The following TUBGCP3 variants were observed in gnomAD, a reference collection of about 807,000 sequenced individuals.
The protein encoded by TUBGCP3 is gamma-tubulin complex component 3.
Under a neutral mutation model 123.1 loss-of-function variants are expected in TUBGCP3, and 50 were observed. The ratio of observed to expected loss-of-function variants is 0.41; its 90% CI spans 0.32 to 0.51. The LOEUF is 0.51. TUBGCP3 is among the 20% of genes least tolerant of loss of function. The pLI is 0.36. For missense variants in TUBGCP3, 882 were observed against 1,127.0 expected (o/e 0.78, Z 3.11); for synonymous variants, 405 against 413.9 (o/e 0.98, Z 0.26).
intron 13 of TUBGCP3, 146 bp downstream of exon 13, chr13:112,526,793 CATT>C (rs1261845926): frequency 2.6e-5 from 16 of 614,216 alleles, no homozygotes; most frequent in Non-Finnish European, 3.7e-5. Flanking sequence ...TCCCCAACAT[CATT>C]ATCATCACAT....
At chr13:112,578,289 G>A (rs984047277) in intron 1 of TUBGCP3, among the ~76,000 whole-genome samples, 2 of 152,062 alleles carry the variant, frequency 1.3e-5, no homozygotes, top group Non-Finnish European at 2.9e-5. Flanking sequence ...GCCGGGCGCG[G>A]TGGCTCACGC....
intron 1 of TUBGCP3, among the ~76,000 whole-genome samples, chr13:112,579,512 A>G (rs1468085328): frequency 8.7e-6 from 1 of 114,788 alleles, no homozygotes; most frequent in Non-Finnish European, 1.7e-5. Context: ...GCTGAGTGTC[A>G]GGGGGCCACG....
At chr13:112,499,335 A>G in intron 19 of TUBGCP3, 150 bp from the exon 20 acceptor site, 4 of 1,086,404 alleles carry the variant, frequency 3.7e-6, no homozygotes, top group Non-Finnish European at 5.1e-6. Flanking sequence ...TTCCCTCACC[A>G]CACATTTCCT....
rs758541422 is a variant in TUBGCP3 at position 112,548,162 on chromosome 13, G to A, written c.981C>T (p.Ala327=). The part of the protein sequence containing the change: ...FGLVGQSFCA[A]LHQELREYYR... ...AGTATTCTCTGAGTTCCTGGTGCAAGGCAGCACAAAAGCTCTGTTTGGAGG... is the reference window on the plus strand; with the variant it reads ...AGTATTCTCTGAGTTCCTGGTGCAAAGCAGCACAAAAGCTCTGTTTGGAGG... The change falls in exon 9 of 22, where the codon GCC becomes GCT. Residue 327 remains alanine, a synonymous_variant. Transcript: ENST00000261965. 6 of 1,602,988 alleles carry A rather than the reference G, an allele frequency of 3.7e-6. No individual in the cohort carries two copies. In the African/African-American group the frequency reaches 5.3e-5, roughly 14 times the overall value.
chr13:112,553,284 C>G (rs566106248), intron 8 of TUBGCP3, among the ~76,000 whole-genome samples: 2 of 152,256 alleles, frequency 1.3e-5, no homozygotes, highest in South Asian at 4.2e-4. Context: ...ATCAGTCACG[C>G]TCCTACTCAC....
chr13:112,529,445 C>G (rs752111880), intron 11 of TUBGCP3, among the ~76,000 whole-genome samples: 9 of 152,146 alleles, frequency 5.9e-5, no homozygotes, highest in African/African-American at 2.2e-4. Flanking sequence ...CCAATGATGA[C>G]CAATTCGTTT....
chr13:112,511,271 C>G lies in TUBGCP3; in HGVS notation c.2086+5169G>C, dbSNP rs1461846144. Among the ~76,000 whole-genome samples the G allele has an allele frequency of 6.6e-6, 1 of 152,188 alleles. No individual in the cohort carries two copies. The highest frequency in any genetic ancestry group is 2.4e-5 in the African/African-American group (1 of 41,446). ...CAGGGCACTGCTGGCCCGCGGGCACCTGCCTTTCCTGGTAAGATAAAATCT... is the reference window on the plus strand; with the variant it reads ...CAGGGCACTGCTGGCCCGCGGGCACGTGCCTTTCCTGGTAAGATAAAATCT... On this transcript the variant is annotated intron_variant, in intron 17 of 21. Transcript: ENST00000261965. This position sits in a 1 kb window ranked among gnomAD's most constrained non-coding sequence, Gnocchi z 4.1.
At chr13:112,512,682 C>T (rs1263405379) in intron 17 of TUBGCP3, among the ~76,000 whole-genome samples, 1 of 152,008 alleles carries the variant, frequency 6.6e-6, no homozygotes, top group Non-Finnish European at 1.5e-5. Context: ...TTGCAGTGAG[C>T]CAAAATCGCA....
At chr13:112,599,242 T>G in the TUBGCP3 span, among the ~76,000 whole-genome samples, 1 of 152,194 alleles carries the variant, frequency 6.6e-6, no homozygotes, top group Non-Finnish European at 1.5e-5. Flanking sequence ...AGTTATTCTA[T>G]GAGGTTATTC....
intron 17 of TUBGCP3, among the ~76,000 whole-genome samples, chr13:112,514,597 T>C (rs1875919898): frequency 6.6e-6 from 1 of 152,234 alleles, no homozygotes; most frequent in African/African-American, 2.4e-5. Flanking sequence ...TTTATTTGAA[T>C]TAATAGCCAA....
chr13:112,568,799 T>C (rs983704177), intron 2 of TUBGCP3, among the ~76,000 whole-genome samples: 8 of 152,190 alleles, frequency 5.3e-5, no homozygotes, highest in Non-Finnish European at 1.0e-4. Context: ...GGCGGCTCAT[T>C]ACTCAGAGCT....
At chr13:112,487,053 A>ATGTGTGTATG (rs1555335840) in intron 21 of TUBGCP3, among the ~76,000 whole-genome samples, 3 of 147,412 alleles carry the variant, frequency 2.0e-5, no homozygotes, top group Non-Finnish European at 4.5e-5. Flanking sequence ...AACACTGTGT[A>ATGTGTGTATG]TGTGTGTGTG....
At chr13:112,567,478 T>C (rs1377801442) in intron 2 of TUBGCP3, among the ~76,000 whole-genome samples, 1 of 152,224 alleles carries the variant, frequency 6.6e-6, no homozygotes, top group Non-Finnish European at 1.5e-5. Flanking sequence ...TCATCTAAAA[T>C]GTGTAAAATG....
At chr13:112,592,277 T>G (rs1255184977), upstream of TUBGCP3, among the ~76,000 whole-genome samples, 1 of 152,200 alleles carries the variant, frequency 6.6e-6, no homozygotes, top group Non-Finnish European at 1.5e-5. This position sits in a 1 kb window ranked among gnomAD's most constrained non-coding sequence, Gnocchi z 4.1. Flanking sequence ...GGTTCTTAAA[T>G]GTAACAAACA....
intron 19 of TUBGCP3, among the ~76,000 whole-genome samples, chr13:112,503,308 T>C (rs1290855598): frequency 6.6e-6 from 1 of 152,162 alleles, no homozygotes; most frequent in African/African-American, 2.4e-5. Flanking sequence ...ACATGGACCC[T>C]AAGGGAAAAG....
At chr13:112,510,279 C>T (rs1474736415) in intron 17 of TUBGCP3, among the ~76,000 whole-genome samples, 3 of 152,172 alleles carry the variant, frequency 2.0e-5, no homozygotes, top group Admixed American at 6.5e-5. Flanking sequence ...CCCTCACATG[C>T]GGAGATGCCC....
chr13:112,545,565 A>T lies in TUBGCP3; in HGVS notation c.1335+134T>A. 6.1e-6 allele frequency: 6 copies of T among 982,780 alleles called. No homozygotes were observed. Among genetic ancestry groups the T allele is most frequent in the Non-Finnish European group, 7.7e-6 (5 of 647,376 alleles). The allele number at this position is 982,780 out of a possible 1,614,324, so 60.9% of individuals were successfully genotyped here. On this transcript the variant is annotated intron_variant, in intron 11 of 21. Coordinates refer to ENST00000261965, the MANE Select transcript of TUBGCP3 (RefSeq NM_006322.6). The surrounding 1 kb of genome is among the most constrained non-coding windows in gnomAD (Gnocchi z 4.1). ...GCTGTCGAGGCACTGTGTAAAATGTATATGGTATTCAATGGAAGTGCAGTT... is the reference window on the plus strand; with the variant it reads ...GCTGTCGAGGCACTGTGTAAAATGTTTATGGTATTCAATGGAAGTGCAGTT...
At chr13:112,573,596 G>C (rs901753511) in intron 1 of TUBGCP3, among the ~76,000 whole-genome samples, 5 of 152,212 alleles carry the variant, frequency 3.3e-5, no homozygotes, top group Non-Finnish European at 7.3e-5. Context: ...CAGTACAAGG[G>C]ATCTGGGAGA....
At chr13:112,564,428 C>T (rs968738466) in intron 3 of TUBGCP3, among the ~76,000 whole-genome samples, 11 of 152,184 alleles carry the variant, frequency 7.2e-5, no homozygotes, top group African/African-American at 1.9e-4. Context: ...GGAAAGAAAG[C>T]GGGATGAACT....
Sources: gnomAD v4.1 joint callset for allele counts (sites outside exome capture counted in the v4.1 genomes callset) on GRCh38, gnomAD v4.1.1 for gene constraint, Gnocchi (gnomAD v3.1) non-coding constraint, MANE v1.5 for transcripts, NCBI Gene and HGNC (gene_info 2026-07-23, HGNC 2026-07-21) for gene names.